The following PTPN13 variants were observed in gnomAD, a reference collection of about 807,000 sequenced individuals.
The protein encoded by PTPN13 is protein tyrosine phosphatase non-receptor type 13.
In PTPN13, 191 loss-of-function variants were observed where a neutral mutation model predicts 284.0. That is an observed-to-expected ratio of 0.67 (90% CI 0.60 to 0.76). The LOEUF (loss-of-function observed/expected upper bound fraction) is 0.76. Ranked by LOEUF, PTPN13 falls within the 30% of genes least tolerant of loss-of-function variation. The probability of loss-of-function intolerance (pLI) is 0.00; values close to 1 mark genes in which losing one functional copy is unlikely to be tolerated. For synonymous variants in PTPN13, 986 were observed against 1,022.3 expected, an observed-to-expected ratio of 0.96 and a Z score of 0.68; for missense variants, 2,797 against 2,939.9, an observed-to-expected ratio of 0.95 and a Z score of 1.12.
In PTPN13 at chr4:86,727,094, T is replaced by C. The variant is rs147807949; in HGVS notation, c.1608+4660T>C. On this transcript the variant is annotated intron_variant, in intron 10 of 47. Coordinates refer to ENST00000411767, the MANE Select transcript of PTPN13 (RefSeq NM_080683.3). ...ATCATGTGGTTTTTGTAGTTGTTTC[T>C]GTTTATGTGTTGAATTACATTTATT... 2.0e-3 allele frequency among the ~76,000 whole-genome samples: 303 copies of C among 149,934 alleles called. 13 individuals carry two copies. Among genetic ancestry groups the C allele is most frequent in the African/African-American group, 7.0e-3 (287 of 41,198 alleles).
At chr4:86,813,083 A>C (rs1745422023) in intron 47 of PTPN13, among the ~76,000 whole-genome samples, 1 of 152,180 alleles carries the variant, frequency 6.6e-6, no homozygotes, top group Admixed American at 6.5e-5. Flanking sequence ...ATAAGCAAAA[A>C]AGAAACTTAA....
At chr4:86,720,376 T>G (rs1733517222) in intron 9 of PTPN13, among the ~76,000 whole-genome samples, 1 of 152,158 alleles carries the variant, frequency 6.6e-6, no homozygotes, top group African/African-American at 2.4e-5. Flanking sequence ...CAAATCTATG[T>G]TTAAGGGGTA....
At chr4:86,632,855 C>A (rs1722612784) in intron 1 of PTPN13, among the ~76,000 whole-genome samples, 1 of 152,074 alleles carries the variant, frequency 6.6e-6, no homozygotes, top group South Asian at 2.1e-4. Flanking sequence ...GTCAACCAGG[C>A]TGGAGTACAG....
chr4:86,710,646 G>C (rs543346765), intron 7 of PTPN13, among the ~76,000 whole-genome samples: 23 of 152,290 alleles, frequency 1.5e-4, no homozygotes, highest in African/African-American at 4.8e-4. Context: ...GAGACTTTCA[G>C]TTGTCAAGAA....
Position 86,741,787 on chromosome 4 carries a change from T to C in PTPN13, c.2458T>C (p.Trp820Arg). ...GVRTLVLRFP[W>R]RETKKISFSK... ...GCGCACATTGGTCCTTCGCTTTCCA[T>C]GGAGGGAAACCAAGAAAATATCTTT... Residue 820 changes from tryptophan (W) to arginine (R), a missense_variant, in exon 16 of 48, where the codon TGG (tryptophan) becomes CGG (arginine). Transcript: ENST00000411767. 2 of 1,609,518 alleles carry C rather than the reference T, an allele frequency of 1.2e-6. No individual in the cohort carries two copies. Among genetic ancestry groups the C allele is most frequent in the Non-Finnish European group, 1.7e-6 (2 of 1,177,646 alleles).
At chr4:86,733,958 A>G (rs968973790) in intron 12 of PTPN13, among the ~76,000 whole-genome samples, 1 of 152,222 alleles carries the variant, frequency 6.6e-6, no homozygotes, top group African/African-American at 2.4e-5. Context: ...CCTTATAACA[A>G]TGCTGTAAAG....
chr4:86,812,309 CAAAAAAAA>C lies in PTPN13; in HGVS notation c.7362+1218_7362+1225del, dbSNP rs555017151. ...TGGGCGACAGAGCGAGACTCCGTCT[CAAAAAAAA>C]AAAAAAAAAAAAAAAAGGAACTCTT... On this transcript the variant is annotated intron_variant, in intron 47 of 47. Transcript: ENST00000411767. 3.2e-3 allele frequency among the ~76,000 whole-genome samples: 189 copies of C among 58,738 alleles called. 2 individuals are homozygous for C. The highest frequency in any genetic ancestry group is 0.026 in the Middle Eastern group (2 of 76). The allele number at this position is 58,738 out of a possible 152,430, so 38.5% of individuals were successfully genotyped here. A position where few individuals can be genotyped will look rare whatever the true frequency, so the allele number is the denominator to read the frequency against.
intron 14 of PTPN13, 43 bp from the exon 15 acceptor site, chr4:86,735,551 A>G (rs371183683): frequency 2.3e-5 from 37 of 1,594,316 alleles, no homozygotes; most frequent in Non-Finnish European, 2.9e-5. Context: ...GTTTACTCCA[A>G]TAAAAGGCAA....
chr4:86,803,020 C>T (rs1744207027), intron 42 of PTPN13, among the ~76,000 whole-genome samples: 1 of 150,792 alleles, frequency 6.6e-6, no homozygotes, highest in African/African-American at 2.4e-5. Context: ...TTGCATTGAG[C>T]TGTGATTGTG....
At chr4:86,740,826 T>C (rs1010627169) in intron 15 of PTPN13, among the ~76,000 whole-genome samples, 2 of 152,142 alleles carry the variant, frequency 1.3e-5, no homozygotes, top group African/African-American at 2.4e-5. Context: ...TAGAAATTTC[T>C]TCCACAAGAT....
chr4:86,652,342 T>A (rs1435665675), intron 2 of PTPN13, among the ~76,000 whole-genome samples: 2 of 152,170 alleles, frequency 1.3e-5, no homozygotes, highest in African/African-American at 4.8e-5. Context: ...TTTTATGTAC[T>A]TATTATCACT....
chr4:86,663,018 A>G (rs578105537), intron 2 of PTPN13, among the ~76,000 whole-genome samples: 10 of 152,330 alleles, frequency 6.6e-5, no homozygotes, highest in Middle Eastern at 3.4e-3. Context: ...CCAACTCTTA[A>G]AAATAAATGA....
At position 86,805,383 on chromosome 4, in the gene PTPN13, T is replaced by A; in HGVS notation, c.6745+14T>A. 4 of 1,511,544 alleles carry A rather than the reference T, an allele frequency of 2.6e-6. No homozygotes were observed. The highest frequency in any genetic ancestry group is 3.6e-6 in the Non-Finnish European group (4 of 1,100,822). The allele number at this position is 1,511,544 out of a possible 1,614,324, so 93.6% of individuals were successfully genotyped here. A position where few individuals can be genotyped will look rare whatever the true frequency, so the allele number is the denominator to read the frequency against. On this transcript the variant is annotated intron_variant, in intron 44 of 47. Transcript: ENST00000411767. ...ATATACTTCCCTGTAAGTTCCAGTT[T>A]GGCTTCAGATTTAATATGTGATCAG... is the stretch of plus-strand genomic sequence containing the variant.
intron 45 of PTPN13, among the ~76,000 whole-genome samples, chr4:86,808,104 T>A (rs1303505426): frequency 6.6e-6 from 1 of 152,214 alleles, no homozygotes; most frequent in African/African-American, 2.4e-5. Flanking sequence ...GCCAGTTTCC[T>A]CCAGTATGTC....
At chr4:86,610,552 A>T (rs1765172501) in intron 1 of PTPN13, among the ~76,000 whole-genome samples, 1 of 152,374 alleles carries the variant, frequency 6.6e-6, no homozygotes, top group South Asian at 2.1e-4. Context: ...AACTGTAGTG[A>T]ACTAAAGAGC....
At chr4:86,609,051 G>A (rs1765040847) in intron 1 of PTPN13, among the ~76,000 whole-genome samples, 1 of 152,170 alleles carries the variant, frequency 6.6e-6, no homozygotes, top group Non-Finnish European at 1.5e-5. Flanking sequence ...CATGGTTTTA[G>A]AATTCATTCA....
rs1227932212 is a variant in PTPN13 at position 86,759,084 on chromosome 4, T to C, written c.3553+11T>C. On this transcript the variant is annotated intron_variant, in intron 23 of 47. Transcript: ENST00000411767. ...AAAAGATATCCAAAGGTAATGTGAA[T>C]GTCTCTTACTTATGTATTCTGTTTC... is the stretch of plus-strand genomic sequence containing the variant. The C allele has an allele frequency of 1.9e-6, 3 of 1,609,982 alleles. No individual in the cohort carries two copies. The highest frequency in any genetic ancestry group is 1.7e-5 in the Admixed American group (1 of 59,250).
At chr4:86,634,188 T>C (rs560327730) in intron 1 of PTPN13, among the ~76,000 whole-genome samples, 1 of 152,326 alleles carries the variant, frequency 6.6e-6, no homozygotes, top group East Asian at 1.9e-4. Context: ...GATGTTTTTA[T>C]AGGTTAACTT....
At chr4:86,762,631 T>A in intron 23 of PTPN13, 96 bp from the exon 24 acceptor site, 4 of 985,954 alleles carry the variant, frequency 4.1e-6, no homozygotes, top group Non-Finnish European at 6.1e-6. Flanking sequence ...GTCATCCTTA[T>A]AAAATCCTTC....
Sources: allele counts gnomAD v4.1 joint callset (sites outside exome capture counted in the v4.1 genomes callset), GRCh38; gene constraint gnomAD v4.1.1; transcripts MANE v1.5; gene names NCBI Gene and HGNC (gene_info 2026-07-23, HGNC 2026-07-21).